The following NHSL3 variants were observed in gnomAD, a reference collection of about 807,000 sequenced individuals.
The protein encoded by NHSL3 is NHS like 3.
chr1:32,742,314 C>G, the NHSL3 span: 26 of 949,966 alleles, frequency 2.7e-5, 1 homozygote, highest in African/African-American at 3.7e-4. Flanking sequence ...TGCTGGAAAG[C>G]GAAGAGGCCA....
At chr1:32,767,678 C>A in the NHSL3 span, 1 of 897,086 alleles carries the variant, frequency 1.1e-6, no homozygotes, top group Non-Finnish European at 1.7e-6. Flanking sequence ...CTTGTATATG[C>A]AATGGCCGTG....
At chr1:32,767,852 G>A in the NHSL3 span, 16 of 1,613,950 alleles carry the variant, frequency 9.9e-6, no homozygotes, top group Middle Eastern at 1.7e-4. Context: ...AGGGTCTGCA[G>A]TGGATGAGCA....
the NHSL3 span, among the ~76,000 whole-genome samples, chr1:32,742,400 A>G: frequency 2.6e-5 from 4 of 152,110 alleles, no homozygotes; most frequent in Non-Finnish European, 5.9e-5. Context: ...CTGTGAGGGG[A>G]GGGGACCCCC....
chr1:32,772,278 C>G, the NHSL3 span: 1 of 1,598,110 alleles, frequency 6.3e-7, no homozygotes, highest in Non-Finnish European at 8.5e-7. Context: ...CTGTGGGAGT[C>G]CCCCCACCCG....
At chr1:32,769,775 A>C in the NHSL3 span, 7 of 1,610,952 alleles carry the variant, frequency 4.3e-6, no homozygotes, top group Non-Finnish European at 4.2e-6. Flanking sequence ...CAGCATGTGC[A>C]GAAGGAGCTT....
chr1:32,765,752 C>G, the NHSL3 span: 7 of 1,547,146 alleles, frequency 4.5e-6, no homozygotes, highest in South Asian at 1.2e-5. Context: ...GGGAACGTCT[C>G]GAGTGGCGCC....
chr1:32,761,953 A>G, the NHSL3 span, among the ~76,000 whole-genome samples: 1 of 152,126 alleles, frequency 6.6e-6, no homozygotes, highest in Non-Finnish European at 1.5e-5. Flanking sequence ...AGTGCACAGA[A>G]CGTGGCTTTT....
At chr1:32,767,973 A>T in the NHSL3 span, 1 of 1,608,616 alleles carries the variant, frequency 6.2e-7, no homozygotes. Context: ...CTTCCTCTCC[A>T]CTCCCCTCCC....
the NHSL3 span, among the ~76,000 whole-genome samples, chr1:32,745,582 A>G: frequency 6.7e-6 from 1 of 148,256 alleles, no homozygotes; most frequent in African/African-American, 2.5e-5. Flanking sequence ...AAAAAAATGG[A>G]CAACTCTGCT....
At chr1:32,771,876 C>T in the NHSL3 span, 9 of 1,592,178 alleles carry the variant, frequency 5.7e-6, no homozygotes, top group African/African-American at 9.4e-5. Flanking sequence ...GAGGGGCTCC[C>T]ACCCCAGCAC....
At chr1:32,758,192 G>C in the NHSL3 span, among the ~76,000 whole-genome samples, 19 of 152,178 alleles carry the variant, frequency 1.2e-4, no homozygotes, top group African/African-American at 4.1e-4. Context: ...TCCCAGGCTA[G>C]CTGAGCACTC....
At chr1:32,767,975 TC>T in the NHSL3 span, 1 of 1,611,362 alleles carries the variant, frequency 6.2e-7, no homozygotes, top group South Asian at 1.1e-5. Context: ...TCCTCTCCAC[TC>T]CCCTCCCCTC....
the NHSL3 span, among the ~76,000 whole-genome samples, chr1:32,751,719 C>T: frequency 6.6e-6 from 1 of 152,098 alleles, no homozygotes; most frequent in African/African-American, 2.4e-5. Context: ...AGGCACCTTT[C>T]AGGCCAAGGT....
At chr1:32,755,227 A>G in the NHSL3 span, among the ~76,000 whole-genome samples, 2 of 152,136 alleles carry the variant, frequency 1.3e-5, no homozygotes, top group African/African-American at 4.8e-5. Flanking sequence ...TGATGGTACC[A>G]TTCCCTCCTC....
At chr1:32,768,769 C>T in the NHSL3 span, 24 of 1,613,616 alleles carry the variant, frequency 1.5e-5, no homozygotes, top group South Asian at 8.8e-5. Flanking sequence ...GATGATCCAG[C>T]GCAAAGGTGG....
the NHSL3 span, among the ~76,000 whole-genome samples, chr1:32,745,123 A>C: frequency 6.9e-6 from 1 of 145,412 alleles, no homozygotes; most frequent in Non-Finnish European, 1.5e-5. Flanking sequence ...GAGACTCAGA[A>C]AAAAAAAAAA....
the NHSL3 span, chr1:32,765,656 C>A: frequency 1.3e-6 from 2 of 1,529,470 alleles, no homozygotes; most frequent in Middle Eastern, 2.0e-4. Context: ...TGCTCTGCGG[C>A]GGGGCGGGAG....
At chr1:32,752,563 G>A in the NHSL3 span, among the ~76,000 whole-genome samples, 2 of 152,086 alleles carry the variant, frequency 1.3e-5, no homozygotes, top group Admixed American at 6.5e-5. Flanking sequence ...AGGTGGGAGC[G>A]CCAGGCAGCC....
chr1:32,743,433 G>A, the NHSL3 span, among the ~76,000 whole-genome samples: 1 of 152,200 alleles, frequency 6.6e-6, no homozygotes, highest in Non-Finnish European at 1.5e-5. Flanking sequence ...TGCTGGGGCT[G>A]GGGTGACTGG....
Sources: gnomAD v4.1 joint callset for allele counts (sites outside exome capture counted in the v4.1 genomes callset) on GRCh38, gnomAD v4.1.1 for gene constraint, MANE v1.5 for transcripts, NCBI Gene and HGNC (gene_info 2026-07-23, HGNC 2026-07-21) for gene names.